Variants in ANKRD30A observed in about 807,000 individuals in gnomAD.
ANKRD30A encodes ankyrin repeat domain 30A.
Under a neutral mutation model 166.3 loss-of-function variants are expected in ANKRD30A, and 170 were observed. The ratio of observed to expected loss-of-function variants is 1.02; its 90% CI spans 0.90 to 1.16. The LOEUF is 1.16. Ranked by LOEUF, ANKRD30A falls within the 50% of genes most tolerant of loss-of-function variation. The pLI, the probability that ANKRD30A is intolerant of heterozygous loss-of-function variation, is 0.00. For missense variants in ANKRD30A, 1,630 were observed against 1,518.0 expected (o/e 1.07, Z -1.23); for synonymous variants, 564 against 508.9 (o/e 1.11, Z -1.46).
rs1387380477 is a variant in ANKRD30A at position 37,219,264 on chromosome 10, A to T, written c.3552A>T (p.Glu1184Asp). Residue 1184 changes from glutamate to aspartate, a missense_variant, in exon 34 of 36, where the codon GAA becomes GAT. Glu to Asp is a conservative substitution (Grantham distance 45, BLOSUM62 2). Coordinates refer to ENST00000361713, the MANE Select transcript of ANKRD30A (RefSeq NM_052997.3). Reference sequence around the variant, plus strand: ...CAATGCTCACTTCTAAATTGAAGGAAAAACAAGACAAAGAAATACTAGAGG... The same window carrying T: ...CAATGCTCACTTCTAAATTGAAGGATAAACAAGACAAAGAAATACTAGAGG... ...ENTMLTSKLKEKQDKEILEAE... is the reference protein window; with the variant it reads ...ENTMLTSKLKDKQDKEILEAE... 1 of 1,610,560 alleles carries T rather than the reference A, an allele frequency of 6.2e-7. No individual in the cohort carries two copies. Among genetic ancestry groups the T allele is most frequent in the East Asian group, 2.2e-5 (1 of 44,760 alleles).
Position 37,133,970 on chromosome 10 carries a change from T to C in ANKRD30A, c.672T>C (p.Leu224=). 1 of 1,614,152 alleles carries C rather than the reference T, an allele frequency of 6.2e-7. No individual in the cohort carries two copies. Among genetic ancestry groups the C allele is most frequent in the Non-Finnish European group, 8.5e-7 (1 of 1,179,990 alleles). ...GATCATCAGAGATAGTTGGCATGCT[T>C]CTTCAGCAAAATGTTGACGTCTTTG... ...CHGSSEIVGM[L]LQQNVDVFAA... The change falls in exon 5 of 36, where the codon CTT becomes CTC. Residue 224 remains leucine (L), a synonymous_variant. Coordinates refer to ENST00000361713, the MANE Select transcript of ANKRD30A (RefSeq NM_052997.3).
the ANKRD30A span, among the ~76,000 whole-genome samples, chr10:37,251,912 G>A: frequency 6.6e-6 from 1 of 152,120 alleles, no homozygotes; most frequent in Non-Finnish European, 1.5e-5. Context: ...AACCATCACA[G>A]CCATATGCGT....
intron 9 of ANKRD30A, among the ~76,000 whole-genome samples, chr10:37,148,148 T>G (rs1837644670): frequency 6.6e-6 from 1 of 152,154 alleles, no homozygotes; most frequent in Non-Finnish European, 1.5e-5. Flanking sequence ...GTTTCTAAAT[T>G]TTAATAAGTT....
At chr10:37,154,490 G>C (rs987805220) in intron 13 of ANKRD30A, among the ~76,000 whole-genome samples, 1 of 152,118 alleles carries the variant, frequency 6.6e-6, no homozygotes, top group Non-Finnish European at 1.5e-5. Flanking sequence ...AAAAGGGTCA[G>C]GAGAGAGCAG....
At position 37,130,213 on chromosome 10, in the gene ANKRD30A, A is replaced by G. The variant is rs1336812171; in HGVS notation, c.345A>G (p.Gln115=). Residue 115 remains glutamine, a synonymous_variant, in exon 3 of 36, where the codon CAA becomes CAG. Transcript: ENST00000361713. Reference sequence around the variant, plus strand: ...TGCTTTAATACTGACAGGCTCTACAATGCCATCAGGAGGCTTGTGCAAATA... The same window carrying G: ...TGCTTTAATACTGACAGGCTCTACAGTGCCATCAGGAGGCTTGTGCAAATA... ...EHRTPLMKAL[Q]CHQEACANIL... 7 of 1,589,460 alleles carry G rather than the reference A, an allele frequency of 4.4e-6. No individual in the cohort carries two copies. In the East Asian group the frequency reaches 7.1e-5, roughly 16 times the overall value.
intron 15 of ANKRD30A, among the ~76,000 whole-genome samples, chr10:37,161,406 G>A (rs1838856429): frequency 6.6e-6 from 1 of 152,104 alleles, no homozygotes; most frequent in Non-Finnish European, 1.5e-5. Flanking sequence ...TTGAAACAGT[G>A]TTGTATGGGA....
chr10:37,254,867 A>G, the ANKRD30A span, among the ~76,000 whole-genome samples: 2 of 151,678 alleles, frequency 1.3e-5, no homozygotes, highest in Non-Finnish European at 2.9e-5. Flanking sequence ...TGTTTTTAGT[A>G]GAGACGGGGC....
chr10:37,152,087 A>G lies in ANKRD30A; in HGVS notation c.1673A>G (p.Gln558Arg). The change falls in exon 12 of 36, where the codon CAA (glutamine) becomes CGA (arginine). Residue 558 changes from glutamine (Q) to arginine (R), a missense_variant. By Grantham distance (43) the Gln-to-Arg change is conservative (BLOSUM62 1). This residue lies in a region of ANKRD30A where 904 missense variants were observed against 818.5 expected (regional missense o/e 1.10). Coordinates refer to ENST00000361713, the MANE Select transcript of ANKRD30A (RefSeq NM_052997.3). ...ADPMFPPESK[Q>R]KDYEENSWDS... ...CCGATGTTCCCACCAGAATCCAAACAAAAGGACTATGAAGAAAATTCTTGG... is the reference window on the plus strand; with the variant it reads ...CCGATGTTCCCACCAGAATCCAAACGAAAGGACTATGAAGAAAATTCTTGG... 1.9e-6 allele frequency: 3 copies of G among 1,609,734 alleles called. No individual in the cohort carries two copies. The highest frequency in any genetic ancestry group is 2.5e-6 in the Non-Finnish European group (3 of 1,177,334).
intron 31 of ANKRD30A, among the ~76,000 whole-genome samples, chr10:37,203,254 G>A (rs769560592): frequency 9.9e-5 from 15 of 152,134 alleles, no homozygotes; most frequent in African/African-American, 2.4e-4. Flanking sequence ...CTGGCAAACC[G>A]AATCCAGCAG....
In ANKRD30A at chr10:37,190,106, G is replaced by A. The variant is rs190484582; in HGVS notation, c.2512+549G>A. On this transcript the variant is annotated intron_variant, in intron 25 of 35. Coordinates refer to ENST00000361713, the MANE Select transcript of ANKRD30A (RefSeq NM_052997.3). ...GAGAGCTGTGTTCTATTTGCAATAG[G>A]TGAGAATAAGCATATCTGCATGGCC... Among the ~76,000 whole-genome samples, 55 of 152,038 alleles carry A rather than the reference G, an allele frequency of 3.6e-4. 1 individual carries two copies. The highest frequency in any genetic ancestry group is 1.8e-3 in the Admixed American group (28 of 15,264).
intron 8 of ANKRD30A, among the ~76,000 whole-genome samples, chr10:37,145,810 G>T (rs971539920): frequency 2.6e-5 from 4 of 152,220 alleles, no homozygotes; most frequent in African/African-American, 9.7e-5. Context: ...ATAATGCTTG[G>T]ATTGGAAATT....
intron 1 of ANKRD30A, among the ~76,000 whole-genome samples, chr10:37,128,023 T>C: frequency 6.6e-6 from 1 of 152,028 alleles, no homozygotes. Context: ...TTTCAGTGAG[T>C]TTACAGCATG....
chr10:37,137,269 C>T (rs1390031629), intron 6 of ANKRD30A, among the ~76,000 whole-genome samples: 1 of 152,144 alleles, frequency 6.6e-6, no homozygotes, highest in East Asian at 1.9e-4. Flanking sequence ...ATAGGAACAG[C>T]TCCAGTCTAC....
At chr10:37,236,266 C>T (rs537900135), downstream of ANKRD30A, among the ~76,000 whole-genome samples, 5 of 152,278 alleles carry the variant, frequency 3.3e-5, no homozygotes, top group East Asian at 5.8e-4. Context: ...GATTGATAGA[C>T]ATCAACATAC....
At chr10:37,128,007 A>G (rs1836155752) in intron 1 of ANKRD30A, among the ~76,000 whole-genome samples, 1 of 152,094 alleles carries the variant, frequency 6.6e-6, no homozygotes, top group South Asian at 2.1e-4. Context: ...GGCTTTTATA[A>G]ATACATTTCA....
the ANKRD30A span, among the ~76,000 whole-genome samples, chr10:37,238,704 C>T: frequency 1.3e-5 from 2 of 152,092 alleles, no homozygotes; most frequent in Non-Finnish European, 2.9e-5. Context: ...AGAACAAGAG[C>T]TTTTGGGGAA....
intron 13 of ANKRD30A, among the ~76,000 whole-genome samples, chr10:37,153,974 A>C (rs1838165604): frequency 6.6e-6 from 1 of 152,242 alleles, no homozygotes; most frequent in Non-Finnish European, 1.5e-5. Flanking sequence ...TACAGAGAGT[A>C]CATGAAGGAA....
At chr10:37,164,950 G>A (rs924286670) in intron 17 of ANKRD30A, 144 bp from the exon 18 acceptor site, 5 of 774,440 alleles carry the variant, frequency 6.5e-6, no homozygotes, top group African/African-American at 3.5e-5. Flanking sequence ...GACTATAGAA[G>A]TAGTCATTGT....
rs370765794 is a variant in ANKRD30A at position 37,152,095 on chromosome 10, T to A, written c.1681T>A (p.Tyr561Asn). 4 of 1,609,468 alleles carry A rather than the reference T, an allele frequency of 2.5e-6. No homozygotes were observed. In the African/African-American group the frequency reaches 5.4e-5, roughly 22 times the overall value. ...CCCACCAGAATCCAAACAAAAGGAC[T>A]ATGAAGAAAATTCTTGGGATTCTGA... Reference protein sequence around the residue: ...MFPPESKQKDYEENSWDSESL... With the variant: ...MFPPESKQKDNEENSWDSESL... The change falls in exon 12 of 36, where the codon TAT (tyrosine) becomes AAT (asparagine). Residue 561 changes from tyrosine (Y) to asparagine (N), a missense_variant. Physicochemically the swap from Tyr to Asn is moderately radical, Grantham distance 143 (BLOSUM62 -2). Transcript: ENST00000361713.
Sources: allele counts gnomAD v4.1 joint callset (sites outside exome capture counted in the v4.1 genomes callset), GRCh38; gene constraint gnomAD v4.1.1; regional missense constraint gnomAD v4.1.1; transcripts MANE v1.5; gene names NCBI Gene and HGNC (gene_info 2026-07-23, HGNC 2026-07-21).